RIMS2: variants seen among roughly 807,000 people sequenced by gnomAD.
RIMS2 encodes regulating synaptic membrane exocytosis 2, also known as regulating synaptic membrane exocytosis protein 2.
In RIMS2, 59 loss-of-function variants were observed where a neutral mutation model predicts 174.4. The ratio of observed to expected loss-of-function variants is 0.34; its 90% CI spans 0.27 to 0.42. The LOEUF (loss-of-function observed/expected upper bound fraction) is 0.42. RIMS2 is among the 10% of genes least tolerant of loss of function. RIMS2 has a pLI of 1.00. For missense variants in RIMS2, 1,620 were observed against 1,666.3 expected, an observed-to-expected ratio of 0.97 and a Z score of 0.48; for synonymous variants, 606 against 572.5, an observed-to-expected ratio of 1.06 and a Z score of -0.84.
intron 19 of RIMS2, among the ~76,000 whole-genome samples, chr8:104,224,419 A>G (rs561249522): frequency 6.6e-6 from 1 of 152,354 alleles, no homozygotes; most frequent in African/African-American, 2.4e-5. Context: ...GAGTTCGTAA[A>G]GTTTTGAATA....
In RIMS2 at chr8:103,839,445, C is replaced by CT. The variant is rs569540505; in HGVS notation, c.699-45843dup. Among the ~76,000 whole-genome samples the CT allele has an allele frequency of 2.9e-4, 44 of 149,862 alleles. 1 individual carries two copies. In the Middle Eastern group the frequency reaches 0.017, roughly 59 times the overall value. Reference sequence around the variant, plus strand: ...TTTTAGGCTTTATTTGGAGAGTACTCTTTTTTTTTTCTTTGTCATAGGGCA... The same window carrying CT: ...TTTTAGGCTTTATTTGGAGAGTACTCTTTTTTTTTTTCTTTGTCATAGGGCA... On this transcript the variant is annotated intron_variant, in intron 3 of 23. Coordinates refer to ENST00000504942, the Ensembl canonical transcript of RIMS2.
chr8:104,158,355 CAT>C (rs1223089461), intron 19 of RIMS2, among the ~76,000 whole-genome samples: 1 of 152,134 alleles, frequency 6.6e-6, no homozygotes, highest in African/African-American at 2.4e-5. Flanking sequence ...CCGCAATAAA[CAT>C]ATGTGTGCGT....
intron 1 of RIMS2, among the ~76,000 whole-genome samples, chr8:103,532,724 C>T (rs1455461590): frequency 6.6e-6 from 1 of 152,188 alleles, no homozygotes; most frequent in Non-Finnish European, 1.5e-5. Context: ...TGGTCCACTG[C>T]AAATTGCAAT....
intron 3 of RIMS2, among the ~76,000 whole-genome samples, chr8:103,846,636 T>A (rs1263144061): frequency 6.6e-6 from 1 of 152,094 alleles, no homozygotes; most frequent in Non-Finnish European, 1.5e-5. Flanking sequence ...GAGATTTGGA[T>A]AAGCCACCAA....
chr8:103,807,682 T>A (rs2098659072), intron 3 of RIMS2, among the ~76,000 whole-genome samples: 1 of 152,100 alleles, frequency 6.6e-6, no homozygotes, highest in Non-Finnish European at 1.5e-5. Context: ...TAAAATAGAC[T>A]AAAGAGTAAA....
At chr8:104,213,916 A>AAGT (rs1208731779) in intron 19 of RIMS2, among the ~76,000 whole-genome samples, 2 of 151,630 alleles carry the variant, frequency 1.3e-5, no homozygotes, top group Non-Finnish European at 2.9e-5. Flanking sequence ...GAAGAAGAAG[A>AAGT]AGAGAAATAA....
intron 4 of RIMS2, among the ~76,000 whole-genome samples, chr8:103,887,673 A>G (rs1028995619): frequency 6.6e-6 from 1 of 151,562 alleles, no homozygotes; most frequent in African/African-American, 2.4e-5. Context: ...AGGAATCACT[A>G]AGGGAATTCA....
chr8:103,591,196 C>G (rs2094238665), intron 1 of RIMS2, among the ~76,000 whole-genome samples: 1 of 151,032 alleles, frequency 6.6e-6, no homozygotes, highest in East Asian at 1.9e-4. Flanking sequence ...ATTGATCATT[C>G]ATACATATTC....
chr8:103,785,102 T>A lies in RIMS2; in HGVS notation c.698+18565T>A, dbSNP rs1331304377. ...TATTGGTGCGTAAGAATGCTTGTGA[T>A]TTTTGTACATTGATTTTGTATCCTG... On this transcript the variant is annotated intron_variant, in intron 3 of 23. Coordinates refer to ENST00000504942, the Ensembl canonical transcript of RIMS2. Among the ~76,000 whole-genome samples, 3 of 142,422 alleles carry A rather than the reference T, an allele frequency of 2.1e-5. No homozygotes were observed. In the East Asian group the frequency reaches 6.0e-4, roughly 28 times the overall value. The allele number at this position is 142,422 out of a possible 152,430, so 93.4% of individuals were successfully genotyped here.
chr8:103,735,686 T>C (rs1449682986), intron 2 of RIMS2, among the ~76,000 whole-genome samples: 1 of 152,188 alleles, frequency 6.6e-6, no homozygotes, highest in East Asian at 1.9e-4. Context: ...TTGGAATATT[T>C]GGCCTGGGAT....
chr8:103,877,881 C>T (rs2099148827), intron 3 of RIMS2, among the ~76,000 whole-genome samples: 1 of 151,696 alleles, frequency 6.6e-6, no homozygotes, highest in South Asian at 2.1e-4. Flanking sequence ...GATGTTTATC[C>T]ATTTGTTTGT....
intron 19 of RIMS2, chr8:104,223,842 T>C (rs768521414): frequency 1.3e-6 from 2 of 1,515,596 alleles, no homozygotes; most frequent in Non-Finnish European, 1.8e-6. Context: ...GTTTAGAAAG[T>C]CGGTGGCTGG....
chr8:104,110,664 T>C (rs1384462871), intron 19 of RIMS2, among the ~76,000 whole-genome samples: 1 of 152,160 alleles, frequency 6.6e-6, no homozygotes, highest in African/African-American at 2.4e-5. Context: ...CTATGAATAC[T>C]TAGAAATATA....
At chr8:103,627,494 A>G (rs1271076889) in intron 1 of RIMS2, among the ~76,000 whole-genome samples, 1 of 152,224 alleles carries the variant, frequency 6.6e-6, no homozygotes, top group African/African-American at 2.4e-5. Flanking sequence ...AAGAGTATTG[A>G]TTGGGGAAGT....
intron 19 of RIMS2, among the ~76,000 whole-genome samples, chr8:104,202,606 T>C (rs2099060568): frequency 6.6e-6 from 1 of 152,242 alleles, no homozygotes; most frequent in Non-Finnish European, 1.5e-5. Flanking sequence ...GACCCTCTCC[T>C]TGGCTTCAGA....
chr8:103,994,783 A>T (rs1171303031), intron 17 of RIMS2, among the ~76,000 whole-genome samples: 4 of 152,138 alleles, frequency 2.6e-5, no homozygotes, highest in African/African-American at 9.7e-5. Flanking sequence ...AACTAACATG[A>T]CTAGAGACAG....
intron 3 of RIMS2, among the ~76,000 whole-genome samples, chr8:103,814,917 A>T (rs1440000348): frequency 6.6e-6 from 1 of 152,186 alleles, no homozygotes; most frequent in Non-Finnish European, 1.5e-5. Context: ...AATCACATGA[A>T]AACTAATAAT....
intron 3 of RIMS2, among the ~76,000 whole-genome samples, chr8:103,786,653 T>A (rs1361941443): frequency 6.6e-6 from 1 of 152,228 alleles, no homozygotes; most frequent in East Asian, 1.9e-4. Flanking sequence ...TTATAATTTC[T>A]GTTCTTTTAC....
At chr8:104,056,246 T>A (rs1391544066) in intron 19 of RIMS2, among the ~76,000 whole-genome samples, 1 of 151,586 alleles carries the variant, frequency 6.6e-6, no homozygotes, top group Non-Finnish European at 1.5e-5. Flanking sequence ...CTACTAAAAA[T>A]ACAAAAAATT....
Sources: gnomAD v4.1 joint callset for allele counts (sites outside exome capture counted in the v4.1 genomes callset) on GRCh38, gnomAD v4.1.1 for gene constraint, MANE v1.5 for transcripts, NCBI Gene and HGNC (gene_info 2026-07-23, HGNC 2026-07-21) for gene names.